The following CHL1 variants were observed in gnomAD, a reference collection of about 807,000 sequenced individuals.
CHL1 encodes the protein neural cell adhesion molecule L1-like protein.
In CHL1, 96 loss-of-function variants were observed where a neutral mutation model predicts 141.9. The ratio of observed to expected loss-of-function variants is 0.68; its 90% CI spans 0.57 to 0.80. CHL1 has a LOEUF of 0.80. CHL1 is among the 30% of genes least tolerant of loss of function. CHL1 has a pLI of 0.00. For synonymous variants in CHL1, 613 were observed against 502.2 expected, an observed-to-expected ratio of 1.22 and a Z score of -2.95; for missense variants, 1,820 against 1,457.2, an observed-to-expected ratio of 1.25 and a Z score of -4.05.
At chr3:197,668 G>A in intron 1 of CHL1, 1 of 375,200 alleles carries the variant, frequency 2.7e-6, no homozygotes, top group South Asian at 1.9e-5. Context: ...CTGGAGCGGG[G>A]AATCCATGGA....
chr3:293,115 C>G lies in CHL1; in HGVS notation c.-94-26568C>G, dbSNP rs145780462. On this transcript the variant is annotated intron_variant, in intron 2 of 27. Coordinates refer to ENST00000256509, the MANE Select transcript of CHL1 (RefSeq NM_006614.4). ...ATAAATACATAGATATAGCACAGTG[C>G]TTCAGGTTAGTTTATAAAAATCAAG... Among the ~76,000 whole-genome samples, 259 of 152,308 alleles carry G rather than the reference C, an allele frequency of 1.7e-3. 1 individual carries two copies. The highest frequency in any genetic ancestry group is 6.1e-3 in the African/African-American group (252 of 41,572).
chr3:366,147 T>G, intron 15 of CHL1, 32 bp downstream of exon 15: 1 of 1,593,342 alleles, frequency 6.3e-7, no homozygotes, highest in South Asian at 1.1e-5. Context: ...GTCATAATAT[T>G]TGCTTGGGGT....
chr3:197,636 G>GC (rs1209547316), intron 1 of CHL1: 6 of 359,744 alleles, frequency 1.7e-5, no homozygotes, highest in East Asian at 1.5e-4. Context: ...AGCCCGGGGG[G>GC]GGTTCCGAAA....
At position 363,357 on chromosome 3, in the gene CHL1, C is replaced by T. The variant is rs200526741; in HGVS notation, c.1559C>T (p.Ala520Val). ...GTAGAAAATGCTATAGGAAAAACTGCAGTCACAGCCAATTTGGATATTAGA... is the reference window on the plus strand; with the variant it reads ...GTAGAAAATGCTATAGGAAAAACTGTAGTCACAGCCAATTTGGATATTAGA... ...CWVENAIGKT[A>V]VTANLDIRNA... The change falls in exon 14 of 28, where the codon GCA becomes GTA. Residue 520 changes from alanine to valine, a missense_variant. Ala to Val is a moderately conservative substitution (Grantham distance 64). Coordinates refer to ENST00000256509, the MANE Select transcript of CHL1 (RefSeq NM_006614.4). 227 of 1,609,770 alleles carry T rather than the reference C, an allele frequency of 1.4e-4. No homozygotes were observed. Among genetic ancestry groups the T allele is most frequent in the Non-Finnish European group, 1.9e-4 (223 of 1,178,736 alleles).
intron 2 of CHL1, among the ~76,000 whole-genome samples, chr3:283,648 T>C (rs148755521): frequency 3.1e-3 from 472 of 152,332 alleles, no homozygotes; most frequent in African/African-American, 0.011. Flanking sequence ...TAGTGTAAAC[T>C]ATTGGCATTA....
At chr3:232,979 A>G (rs960378904) in intron 1 of CHL1, among the ~76,000 whole-genome samples, 4 of 152,028 alleles carry the variant, frequency 2.6e-5, no homozygotes, top group African/African-American at 9.7e-5. Context: ...ATTACTGGCA[A>G]AATCAATCTG....
At chr3:400,080 A>G (rs1318433993) in intron 26 of CHL1, among the ~76,000 whole-genome samples, 2 of 152,194 alleles carry the variant, frequency 1.3e-5, no homozygotes, top group Admixed American at 6.5e-5. Context: ...GATTATTACT[A>G]GTATTGCTTA....
intron 2 of CHL1, among the ~76,000 whole-genome samples, chr3:304,720 T>C (rs370909344): frequency 6.6e-6 from 1 of 152,130 alleles, no homozygotes; most frequent in South Asian, 2.1e-4. Context: ...TTTTGAAGGG[T>C]TTTTCGTGTC....
chr3:211,695 T>C (rs1480406930), intron 1 of CHL1, among the ~76,000 whole-genome samples: 1 of 152,172 alleles, frequency 6.6e-6, no homozygotes, highest in Non-Finnish European at 1.5e-5. Flanking sequence ...ACTTATAAAG[T>C]ATTGCACCGT....
At chr3:261,551 A>G (rs1694726530) in intron 2 of CHL1, among the ~76,000 whole-genome samples, 10 of 152,106 alleles carry the variant, frequency 6.6e-5, no homozygotes, top group Admixed American at 6.6e-4. Flanking sequence ...AAAGTCACAA[A>G]CTCATTGAGC....
chr3:333,124 A>ATTTCTTTTTTTTTTTTTTTTT (rs1701576371), intron 5 of CHL1, among the ~76,000 whole-genome samples: 1 of 83,314 alleles, frequency 1.2e-5, no homozygotes. Flanking sequence ...TAATTGCTCT[A>ATTTCTTTTTTTTTTTTTTTTT]TTTTTTTTAT....
intron 19 of CHL1, among the ~76,000 whole-genome samples, chr3:388,515 C>T (rs866495146): frequency 1.3e-5 from 2 of 149,132 alleles, no homozygotes; most frequent in South Asian, 2.1e-4. Context: ...CCACTGCAAT[C>T]CAGCCTGGGC....
intron 2 of CHL1, among the ~76,000 whole-genome samples, chr3:314,419 T>G (rs1404501027): frequency 2.7e-5 from 4 of 147,280 alleles, no homozygotes; most frequent in African/African-American, 4.9e-5. Context: ...TTCTATCTCT[T>G]CTACCTAAAT....
chr3:343,326 T>C (rs892310956), intron 8 of CHL1, among the ~76,000 whole-genome samples: 1 of 152,162 alleles, frequency 6.6e-6, no homozygotes, highest in Admixed American at 6.6e-5. Flanking sequence ...ACGTCTCTTA[T>C]GGTATATAAG....
At chr3:344,487 A>ACACG in intron 8 of CHL1, 102 bp from the exon 9 acceptor site, 1 of 743,006 alleles carries the variant, frequency 1.3e-6, no homozygotes, top group Non-Finnish European at 2.2e-6. Context: ...ACACACACAC[A>ACACG]CACTCGTGTG....
chr3:267,519 G>A (rs1192370429), intron 2 of CHL1, among the ~76,000 whole-genome samples: 1 of 152,046 alleles, frequency 6.6e-6, no homozygotes, highest in Non-Finnish European at 1.5e-5. Context: ...AAATTACGAG[G>A]ATTTTTGATT....
At chr3:221,138 A>C (rs149936858) in intron 1 of CHL1, among the ~76,000 whole-genome samples, 49 of 152,330 alleles carry the variant, frequency 3.2e-4, no homozygotes, top group African/African-American at 1.2e-3. Context: ...GAACCAATGT[A>C]CATGTTTCAT....
At chr3:345,772 C>T (rs1252909379) in intron 9 of CHL1, among the ~76,000 whole-genome samples, 3 of 152,178 alleles carry the variant, frequency 2.0e-5, no homozygotes, top group Admixed American at 6.5e-5. Context: ...CATGAGCCAC[C>T]GGGCCCAGCC....
chr3:206,220 C>A (rs1012237231), intron 1 of CHL1, among the ~76,000 whole-genome samples: 6 of 152,176 alleles, frequency 3.9e-5, no homozygotes, highest in East Asian at 1.9e-4. Context: ...GTAATCCCAG[C>A]ACTTTGGGAG....
Sources: allele counts gnomAD v4.1 joint callset (sites outside exome capture counted in the v4.1 genomes callset), GRCh38; gene constraint gnomAD v4.1.1; transcripts MANE v1.5; gene names NCBI Gene and HGNC (gene_info 2026-07-23, HGNC 2026-07-21).